Variants in DENND2A observed in about 807,000 individuals in gnomAD.
DENND2A encodes the protein DENN domain-containing protein 2A.
A neutral mutation model predicts 105.3 loss-of-function variants in DENND2A; 53 were observed. The observed-to-expected ratio is 0.50, with a 90% confidence interval of 0.40 to 0.63. The LOEUF (loss-of-function observed/expected upper bound fraction) is 0.63, where lower values mean the gene tolerates loss of function less well. DENND2A is among the 30% of genes least tolerant of loss of function. The pLI is 0.00. For synonymous variants in DENND2A, 522 were observed against 508.4 expected (o/e 1.03, Z -0.36); for missense variants, 1,138 against 1,279.6 (o/e 0.89, Z 1.69).
chr7:140,540,596 G>A (rs1032617615), intron 14 of DENND2A, among the ~76,000 whole-genome samples: 4 of 152,244 alleles, frequency 2.6e-5, no homozygotes, highest in Non-Finnish European at 4.4e-5. Context: ...TCTGGTGACA[G>A]CAGCTCTGTG....
intron 2 of DENND2A, among the ~76,000 whole-genome samples, chr7:140,603,108 C>T (rs1471751551): frequency 6.6e-6 from 1 of 151,994 alleles, no homozygotes; most frequent in East Asian, 1.9e-4. Context: ...CATGGTGAAA[C>T]CCCGTCTGTA....
At chr7:140,557,621 G>A (rs1797430527) in intron 11 of DENND2A, among the ~76,000 whole-genome samples, 1 of 125,032 alleles carries the variant, frequency 8.0e-6, no homozygotes, top group Non-Finnish European at 1.6e-5. Context: ...CTCACTGCAA[G>A]CTCCGCCTCC....
At chr7:140,585,132 A>T (rs1798724515) in intron 5 of DENND2A, among the ~76,000 whole-genome samples, 1 of 152,230 alleles carries the variant, frequency 6.6e-6, no homozygotes, top group Non-Finnish European at 1.5e-5. Flanking sequence ...CAGGAGTTCA[A>T]GGCTGCAGTG....
chr7:140,614,945 C>T (rs1417093706), intron 1 of DENND2A, among the ~76,000 whole-genome samples: 2 of 152,164 alleles, frequency 1.3e-5, no homozygotes, highest in African/African-American at 2.4e-5. Flanking sequence ...GCTGCCTCGA[C>T]CTCCCTGGGC....
In DENND2A at chr7:140,569,683, T is replaced by G. The variant is rs767880041; in HGVS notation, c.1502A>C (p.Lys501Thr). Residue 501 changes from lysine (K) to threonine (T), a missense_variant, in exon 7 of 20, where the codon AAG (lysine) becomes ACG (threonine). By Grantham distance (78) the Lys-to-Thr change is moderately conservative. Around this residue, in one of 2 missense-constraint regions of DENND2A, gnomAD observed 627 missense variants for 779.8 expected, o/e 0.80. Transcript: ENST00000496613. ...YEVRRGKKRV[K>T]RLSQSMESNS... ...GCTCTCCATTGACTGGGACAGCCTC[T>G]TCACCCGTTTCTTTCCTCTCCGGAC... 3 of 1,613,972 alleles carry G rather than the reference T, an allele frequency of 1.9e-6. No individual in the cohort carries two copies. Among genetic ancestry groups the G allele is most frequent in the Non-Finnish European group, 2.5e-6 (3 of 1,179,808 alleles).
chr7:140,604,190 T>C (rs1041332113), intron 2 of DENND2A, among the ~76,000 whole-genome samples: 2 of 152,238 alleles, frequency 1.3e-5, no homozygotes, highest in Non-Finnish European at 2.9e-5. Flanking sequence ...CCGTGAGGGA[T>C]GAATAAGTAG....
At chr7:140,608,570 G>A (rs1040550499) in intron 1 of DENND2A, among the ~76,000 whole-genome samples, 3 of 151,964 alleles carry the variant, frequency 2.0e-5, no homozygotes, top group Admixed American at 1.3e-4. Context: ...CAGCTACTCG[G>A]GAGGCTGAGG....
intron 1 of DENND2A, among the ~76,000 whole-genome samples, chr7:140,634,961 CAA>C (rs112974741): frequency 4.1e-5 from 5 of 121,420 alleles, no homozygotes; most frequent in African/African-American, 8.9e-5. Flanking sequence ...GACTCCGTCT[CAA>C]AAAAAAAAAA....
At chr7:140,632,032 T>C (rs269261) in intron 1 of DENND2A, among the ~76,000 whole-genome samples, 7,343 of 152,162 alleles carry the variant, frequency 0.048, 602 homozygotes, top group African/African-American at 0.16. Context: ...CCCAACCAAG[T>C]TCAACCTGGA....
At chr7:140,541,683 G>A (rs573689759) in intron 14 of DENND2A, among the ~76,000 whole-genome samples, 3 of 152,308 alleles carry the variant, frequency 2.0e-5, no homozygotes, top group African/African-American at 7.2e-5. Context: ...CCCAGTGCCC[G>A]GGAGCTTGGA....
intron 14 of DENND2A, among the ~76,000 whole-genome samples, chr7:140,536,739 A>ATAGT: frequency 6.6e-6 from 1 of 152,026 alleles, no homozygotes; most frequent in East Asian, 1.9e-4. Context: ...ATCTTGGCTT[A>ATAGT]CTGCAGCCTC....
At chr7:140,620,150 T>C (rs1800228243) in intron 1 of DENND2A, among the ~76,000 whole-genome samples, 1 of 151,696 alleles carries the variant, frequency 6.6e-6, no homozygotes, top group Non-Finnish European at 1.5e-5. Context: ...GAGCCAAGAT[T>C]GCGACACTGC....
chr7:140,610,588 T>C (rs1043255252), intron 1 of DENND2A, among the ~76,000 whole-genome samples: 1 of 152,152 alleles, frequency 6.6e-6, no homozygotes, highest in Non-Finnish European at 1.5e-5. Flanking sequence ...GAACACACTG[T>C]TTTTTGTTTT....
rs749467796 is a variant in DENND2A at position 140,602,027 on chromosome 7, G to A, written c.371C>T (p.Pro124Leu). 2.4e-5 allele frequency: 39 copies of A among 1,614,034 alleles called. No individual in the cohort carries two copies. The highest frequency in any genetic ancestry group is 6.6e-5 in the South Asian group (6 of 91,086). The change falls in exon 3 of 20, where the codon CCG becomes CTG. Residue 124 changes from proline (P) to leucine (L), a missense_variant. By Grantham distance (98) the Pro-to-Leu change is moderately conservative. This residue lies in a region of DENND2A where 511 missense variants were observed against 499.9 expected (regional missense o/e 1.02). Coordinates refer to ENST00000496613, the MANE Select transcript of DENND2A (RefSeq NM_015689.5). ...TTCTGGCTGGCTTAGGTCTTGCCCC[G>A]GCTCTGGGTCCTGTCCCCCGACGTT... is the stretch of plus-strand genomic sequence containing the variant. ...AVNVGGQDPEPGQDLSQPERE... is the reference protein window; with the variant it reads ...AVNVGGQDPELGQDLSQPERE...
At chr7:140,537,044 GA>G (rs1796478889) in intron 14 of DENND2A, among the ~76,000 whole-genome samples, 1 of 152,202 alleles carries the variant, frequency 6.6e-6, no homozygotes, top group African/African-American at 2.4e-5. Context: ...GGACTAGCTA[GA>G]CCTCTGAAGT....
intron 1 of DENND2A, among the ~76,000 whole-genome samples, chr7:140,617,495 C>T (rs972093771): frequency 4.6e-5 from 7 of 152,040 alleles, no homozygotes; most frequent in African/African-American, 1.7e-4. Flanking sequence ...GAGGCCGAGG[C>T]GGGTGGATCA....
At chr7:140,578,452 C>T (rs1322697102) in intron 5 of DENND2A, among the ~76,000 whole-genome samples, 1 of 152,238 alleles carries the variant, frequency 6.6e-6, no homozygotes, top group East Asian at 1.9e-4. Flanking sequence ...CCCATCTCAA[C>T]ATCATTCCTA....
chr7:140,636,158 T>A (rs1193042686), intron 1 of DENND2A, among the ~76,000 whole-genome samples: 1 of 152,208 alleles, frequency 6.6e-6, no homozygotes, highest in South Asian at 2.1e-4. Flanking sequence ...TAGCCAGTGT[T>A]CAGGGCCAGG....
At chr7:140,590,191 AC>A (rs1468831727) in intron 3 of DENND2A, among the ~76,000 whole-genome samples, 1 of 151,638 alleles carries the variant, frequency 6.6e-6, no homozygotes, top group East Asian at 2.0e-4. Flanking sequence ...GGGGTTCGTG[AC>A]CAGCCTGGCC....
Sources: gnomAD v4.1 joint callset for allele counts (sites outside exome capture counted in the v4.1 genomes callset) on GRCh38, gnomAD v4.1.1 for gene constraint, gnomAD v4.1.1 regional missense constraint, MANE v1.5 for transcripts, NCBI Gene and HGNC (gene_info 2026-07-23, HGNC 2026-07-21) for gene names.